The following ITGB6 variants were observed in gnomAD, a reference collection of about 807,000 sequenced individuals.
ITGB6 encodes integrin beta-6.
ITGB6 carries 80 observed loss-of-function variants against 84.5 expected under a neutral mutation model. The observed-to-expected ratio is 0.95, with a 90% CI of 0.79 to 1.14. ITGB6 has a LOEUF of 1.14. Ranked by LOEUF, ITGB6 falls within the 50% of genes most tolerant of loss-of-function variation. The pLI is 0.00. For synonymous variants in ITGB6, 383 were observed against 354.9 expected (o/e 1.08, Z -0.89); for missense variants, 1,006 against 968.0 (o/e 1.04, Z -0.52).
chr2:160,138,018 G>T, intron 9 of ITGB6, 47 bp downstream of exon 9: 2 of 1,568,300 alleles, frequency 1.3e-6, no homozygotes, highest in South Asian at 2.4e-5. Flanking sequence ...GCTAATTTCT[G>T]ACCCATCCAG....
chr2:160,135,443 A>G (rs1476436637), intron 10 of ITGB6, among the ~76,000 whole-genome samples: 1 of 150,254 alleles, frequency 6.7e-6, no homozygotes, highest in Non-Finnish European at 1.5e-5. Context: ...GCTCATGGGT[A>G]GGAAGAATCA....
chr2:160,102,194 C>T (rs556080229), intron 14 of ITGB6, among the ~76,000 whole-genome samples: 58 of 152,156 alleles, frequency 3.8e-4, no homozygotes, highest in African/African-American at 1.4e-3. Flanking sequence ...TGAACAGTGA[C>T]AGATGAACCA....
intron 7 of ITGB6, among the ~76,000 whole-genome samples, chr2:160,157,346 T>A (rs1348646148): frequency 2.0e-5 from 3 of 152,178 alleles, no homozygotes; most frequent in East Asian, 3.8e-4. Context: ...GCACTAGGGT[T>A]CTTTTGATTT....
chr2:160,196,004 T>A (rs1303846094), intron 3 of ITGB6, among the ~76,000 whole-genome samples: 1 of 152,194 alleles, frequency 6.6e-6, no homozygotes, highest in Non-Finnish European at 1.5e-5. Flanking sequence ...TGGTTACTAT[T>A]AGAGAAGGCT....
intron 12 of ITGB6, among the ~76,000 whole-genome samples, chr2:160,117,522 G>C (rs766824349): frequency 2.6e-5 from 4 of 152,158 alleles, no homozygotes; most frequent in African/African-American, 9.7e-5. Context: ...GCAGTGTGCA[G>C]AGTGAAATTT....
At chr2:160,157,333 A>G (rs1034000417) in intron 7 of ITGB6, among the ~76,000 whole-genome samples, 1 of 152,146 alleles carries the variant, frequency 6.6e-6, no homozygotes, top group African/African-American at 2.4e-5. Context: ...AAACCATAAC[A>G]CTGCACTAGG....
At chr2:160,169,435 C>T (rs930875203) in intron 6 of ITGB6, 128 bp from the exon 7 acceptor site, 7 of 560,112 alleles carry the variant, frequency 1.2e-5, no homozygotes, top group South Asian at 7.3e-5. Flanking sequence ...AGCTCTATCA[C>T]TCTAAGTAAA....
Position 160,172,682 on chromosome 2 carries a change from T to A in ITGB6, c.808A>T (p.Ser270Cys). 1 of 1,609,688 alleles carries A rather than the reference T, an allele frequency of 6.2e-7. No homozygotes were observed. The highest frequency in any genetic ancestry group is 8.5e-7 in the Non-Finnish European group (1 of 1,176,230). Residue 270 changes from serine (S) to cysteine (C), a missense_variant, in exon 6 of 15, where the codon AGT becomes TGT. Physicochemically the swap from Ser to Cys is moderately radical, Grantham distance 112. Transcript: ENST00000283249. Reference sequence around the variant, plus strand: ...ATTCCAAAATGAGAATCAGCATCACTCACAAAGACCAGGAGGTGGAGGGAG... The same window carrying A: ...ATTCCAAAATGAGAATCAGCATCACACACAAAGACCAGGAGGTGGAGGGAG... ...NDSLHLLVFV[S>C]DADSHFGMDS... is the part of the protein sequence containing the mutation.
chr2:160,125,872 T>C (rs1207819499), intron 11 of ITGB6, among the ~76,000 whole-genome samples: 1 of 152,108 alleles, frequency 6.6e-6, no homozygotes, highest in Non-Finnish European at 1.5e-5. Context: ...AGAGCATGGG[T>C]GGTAAAGAAG....
Position 160,174,875 on chromosome 2 carries a change from G to A in ITGB6, c.594-736C>T, listed in dbSNP as rs190181915. ...TTAAAATGCGGATAATCGTATAGAG[G>A]AGAGGTTCTCCAACTGAGATCCCTG... On this transcript the variant is annotated intron_variant, in intron 4 of 14. Transcript: ENST00000283249. Among the ~76,000 whole-genome samples, 18 of 152,294 alleles carry A rather than the reference G, an allele frequency of 1.2e-4. No homozygotes were observed. In the East Asian group the frequency reaches 3.5e-3, roughly 29 times the overall value.
intron 10 of ITGB6, among the ~76,000 whole-genome samples, chr2:160,128,167 A>G (rs1028485630): frequency 2.6e-5 from 4 of 152,154 alleles, no homozygotes; most frequent in African/African-American, 9.7e-5. Context: ...GAATACTACT[A>G]CTAATAAATA....
chr2:160,127,053 C>T (rs1490643975), intron 10 of ITGB6, among the ~76,000 whole-genome samples: 1 of 152,122 alleles, frequency 6.6e-6, no homozygotes, highest in Non-Finnish European at 1.5e-5. Flanking sequence ...TTAAGACTGA[C>T]AAAGCAGACT....
chr2:160,179,548 T>C (rs762003186), intron 4 of ITGB6, among the ~76,000 whole-genome samples: 14 of 137,048 alleles, frequency 1.0e-4, no homozygotes, highest in Non-Finnish European at 1.9e-4. Flanking sequence ...GTCCAGCTAA[T>C]TTTTTTTTTT....
At chr2:160,117,908 A>C (rs1239411765) in intron 12 of ITGB6, among the ~76,000 whole-genome samples, 1 of 152,238 alleles carries the variant, frequency 6.6e-6, no homozygotes, top group Admixed American at 6.5e-5. Context: ...TAAACTGGAA[A>C]ATCTAGAAGA....
At chr2:160,140,906 T>C (rs999799979) in intron 8 of ITGB6, among the ~76,000 whole-genome samples, 17 of 152,300 alleles carry the variant, frequency 1.1e-4, no homozygotes, top group African/African-American at 4.1e-4. Flanking sequence ...GGAATTTTTT[T>C]TCTTTCCAAA....
At chr2:160,153,752 C>A (rs1363567569) in intron 7 of ITGB6, among the ~76,000 whole-genome samples, 1 of 150,958 alleles carries the variant, frequency 6.6e-6, no homozygotes, top group African/African-American at 2.4e-5. Context: ...GAAAAAAAAA[C>A]CCATCAACAA....
intron 10 of ITGB6, among the ~76,000 whole-genome samples, chr2:160,128,389 G>A (rs553881212): frequency 6.6e-6 from 1 of 152,088 alleles, no homozygotes. Context: ...GAGTGTGGCA[G>A]GTGGGGAAAT....
intron 6 of ITGB6, among the ~76,000 whole-genome samples, chr2:160,172,240 C>G (rs1001637877): frequency 1.3e-5 from 2 of 152,222 alleles, no homozygotes; most frequent in Non-Finnish European, 2.9e-5. Flanking sequence ...CTGTTCTGGT[C>G]TGGGTCCCTC....
intron 8 of ITGB6, among the ~76,000 whole-genome samples, chr2:160,141,174 C>G (rs1459018598): frequency 6.6e-6 from 1 of 151,508 alleles, no homozygotes; most frequent in South Asian, 2.1e-4. Flanking sequence ...TTACTCCTTA[C>G]TAAAAAATTT....
Sources: allele counts gnomAD v4.1 joint callset (sites outside exome capture counted in the v4.1 genomes callset), GRCh38; gene constraint gnomAD v4.1.1; transcripts MANE v1.5; gene names NCBI Gene and HGNC (gene_info 2026-07-23, HGNC 2026-07-21).